The following CENPH variants were observed in gnomAD, a reference collection of about 807,000 sequenced individuals.
CENPH encodes the protein CENP-H.
CENPH carries 40 observed loss-of-function variants against 42.9 expected under a neutral mutation model. The observed-to-expected ratio is 0.93, with a 90% confidence interval of 0.72 to 1.21. The LOEUF (loss-of-function observed/expected upper bound fraction) is 1.21, where lower values mean the gene tolerates loss of function less well. Ranked by LOEUF, CENPH falls within the 50% of genes most tolerant of loss-of-function variation. CENPH has a pLI of 0.00. For missense variants in CENPH, 302 were observed against 292.9 expected (o/e 1.03, Z -0.23); for synonymous variants, 88 against 96.5 (o/e 0.91, Z 0.52).
At chr5:69,197,198 A>G (rs1350441977) in intron 5 of CENPH, 89 bp downstream of exon 5, 1 of 737,108 alleles carries the variant, frequency 1.4e-6, no homozygotes, top group African/African-American at 1.8e-5. Flanking sequence ...ATTACTGCCA[A>G]CTACCTTTGT....
At chr5:69,201,606 C>G (rs181870041) in intron 5 of CENPH, among the ~76,000 whole-genome samples, 195 of 152,250 alleles carry the variant, frequency 1.3e-3, no homozygotes, top group African/African-American at 4.4e-3. Context: ...TGTCTATAAT[C>G]CTACCATTTT....
intron 5 of CENPH, among the ~76,000 whole-genome samples, chr5:69,200,105 T>C (rs1748033489): frequency 7.3e-6 from 1 of 137,454 alleles, no homozygotes; most frequent in Non-Finnish European, 1.5e-5. Context: ...AGAGTGAGAC[T>C]CTGTCTCAAA....
At chr5:69,208,719 A>T (rs777415104) in intron 8 of CENPH, among the ~76,000 whole-genome samples, 121 of 152,152 alleles carry the variant, frequency 8.0e-4, no homozygotes, top group Non-Finnish European at 1.1e-3. Context: ...TTTGATCTTG[A>T]TGAAATAATT....
At chr5:69,199,473 G>A (rs1748023805) in intron 5 of CENPH, among the ~76,000 whole-genome samples, 1 of 152,098 alleles carries the variant, frequency 6.6e-6, no homozygotes, top group Non-Finnish European at 1.5e-5. Context: ...ACCACACCCT[G>A]CCAAATTAAG....
In CENPH at chr5:69,200,719, C is replaced by CTTTTTTTTTTTTTTTTTTTTT. The variant is rs70992906; in HGVS notation, c.372-1773_372-1753dup. 1.4e-3 allele frequency among the ~76,000 whole-genome samples: 67 copies of CTTTTTTTTTTTTTTTTTTTTT among 46,912 alleles called. 16 individuals are homozygous for CTTTTTTTTTTTTTTTTTTTTT. The highest frequency in any genetic ancestry group is 2.4e-3 in the Non-Finnish European group (57 of 24,010). 30.8% of individuals were successfully genotyped at this position (46,912 alleles called of 152,430 possible). Reference sequence around the variant, plus strand: ...TCCCAAACTTTCTGAATCAGCGTATCTTTTTTTTTTTTTTTTTTTTTTTTT... The same window carrying CTTTTTTTTTTTTTTTTTTTTT: ...TCCCAAACTTTCTGAATCAGCGTATCTTTTTTTTTTTTTTTTTTTTTTTTTTTTTTTTTTTTTTTTTTTTTT... On this transcript the variant is annotated intron_variant, in intron 5 of 8. Transcript: ENST00000283006.
rs1409429733 is a variant in CENPH, at chr5:69,195,737, A to G, written c.260A>G (p.Asn87Ser). Residue 87 changes from asparagine to serine, a missense_variant, in exon 4 of 9, where the codon AAT (asparagine) becomes AGT (serine). Asn to Ser is a conservative substitution (Grantham distance 46). Transcript: ENST00000283006. ...QIEAKIEDLE[N>S]EIEEVKVAFE... ...GATAGTAAAATTGAAGACCTGGAAA[A>G]TGAAATTGAAGAGGTAAAAGTTGCT... 6.4e-7 allele frequency: 1 copy of G among 1,562,758 alleles called. No individual in the cohort carries two copies. The highest frequency in any genetic ancestry group is 2.3e-5 in the East Asian group (1 of 44,326).
rs376386379 is a variant in CENPH at position 69,189,784 on chromosome 5, C to T, written c.134+16C>T. 4.8e-6 allele frequency: 7 copies of T among 1,447,478 alleles called. No individual in the cohort carries two copies. Among genetic ancestry groups the T allele is most frequent in the Admixed American group, 2.7e-5 (1 of 37,732 alleles). 89.7% of individuals were successfully genotyped at this position (1,447,478 alleles called of 1,614,324 possible). A position where few individuals can be genotyped will look rare whatever the true frequency, so the allele number is the denominator to read the frequency against. ...TGCTCCTCAGGTTGTTCCCTTTGGC[C>T]TCCTCAGCCGGGGCCAAGTGGGCGT... On this transcript the variant is annotated intron_variant, in intron 1 of 8. Transcript: ENST00000283006.
chr5:69,206,894 T>C (rs1561325191), intron 7 of CENPH, among the ~76,000 whole-genome samples: 1 of 152,116 alleles, frequency 6.6e-6, no homozygotes, highest in Non-Finnish European at 1.5e-5. Context: ...CCATGTTTTT[T>C]TAAGTAGAAT....
chr5:69,200,719 C>CTGTTTT (rs1748043769), intron 5 of CENPH, among the ~76,000 whole-genome samples: 1 of 46,900 alleles, frequency 2.1e-5, no homozygotes, highest in Non-Finnish European at 4.2e-5. Flanking sequence ...ATCAGCGTAT[C>CTGTTTT]TTTTTTTTTT....
chr5:69,198,487 A>G (rs902963046), intron 5 of CENPH, among the ~76,000 whole-genome samples: 5 of 152,098 alleles, frequency 3.3e-5, no homozygotes, highest in African/African-American at 4.8e-5. Context: ...ACGGGGTTTC[A>G]CTATGTTGGC....
chr5:69,191,877 G>A (rs561202301), intron 2 of CENPH, 27 bp downstream of exon 2: 7 of 1,325,524 alleles, frequency 5.3e-6, no homozygotes, highest in Non-Finnish European at 7.6e-6. Context: ...TCAAATTAGG[G>A]TTTTGTTGTT....
rs1035891574 is a variant in CENPH at position 69,192,573 on chromosome 5, G to A, written c.190+723G>A. On this transcript the variant is annotated intron_variant, in intron 2 of 8. Transcript: ENST00000283006. ...ACAAGAAGATCACTTGAAGCTAAGA[G>A]TTTGAGATTAGCCTGGGAAACAAAG... Among the ~76,000 whole-genome samples the A allele has an allele frequency of 2.0e-5, 3 of 152,160 alleles. No individual in the cohort carries two copies. In the South Asian group the frequency reaches 6.2e-4, roughly 31 times the overall value.
intron 3 of CENPH, 54 bp from the exon 4 acceptor site, chr5:69,195,663 A>G: frequency 9.9e-7 from 1 of 1,011,006 alleles, no homozygotes; most frequent in South Asian, 1.4e-5. Flanking sequence ...ATTTATTTCA[A>G]TAATGTCTTT....
intron 4 of CENPH, 59 bp downstream of exon 4, chr5:69,195,850 GA>G (rs1273866105): frequency 1.3e-6 from 1 of 791,238 alleles, no homozygotes; most frequent in Non-Finnish European, 2.1e-6. Context: ...GGTATGAGGG[GA>G]AAGTGGAGGG....
chr5:69,205,535 T>C (rs1164654239), intron 7 of CENPH, among the ~76,000 whole-genome samples: 1 of 151,904 alleles, frequency 6.6e-6, no homozygotes, highest in African/African-American at 2.4e-5. Flanking sequence ...CCTTTTTGTT[T>C]TTTGAGACAG....
intron 7 of CENPH, among the ~76,000 whole-genome samples, chr5:69,205,902 G>A (rs1389635855): frequency 1.3e-5 from 2 of 150,562 alleles, no homozygotes; most frequent in Non-Finnish European, 3.0e-5. Flanking sequence ...GTAGAGACCG[G>A]ATTTCACCAT....
chr5:69,199,874 A>AG (rs1355716555), intron 5 of CENPH, among the ~76,000 whole-genome samples: 1 of 152,178 alleles, frequency 6.6e-6, no homozygotes, highest in African/African-American at 2.4e-5. Flanking sequence ...GCACTTTGGG[A>AG]GGCCGAGGCA....
chr5:69,200,717 A>ATTT (rs1554058445), intron 5 of CENPH, among the ~76,000 whole-genome samples: 23 of 41,000 alleles, frequency 5.6e-4, no homozygotes, highest in Admixed American at 1.5e-3. Context: ...GAATCAGCGT[A>ATTT]TCTTTTTTTT....
intron 2 of CENPH, among the ~76,000 whole-genome samples, chr5:69,193,685 G>A (rs1444291393): frequency 9.8e-5 from 14 of 142,864 alleles, no homozygotes; most frequent in South Asian, 2.2e-4. Context: ...TTTTTGAGAC[G>A]GGGTCTTGTT....
Sources: gnomAD v4.1 joint callset for allele counts (sites outside exome capture counted in the v4.1 genomes callset) on GRCh38, gnomAD v4.1.1 for gene constraint, MANE v1.5 for transcripts, NCBI Gene and HGNC (gene_info 2026-07-23, HGNC 2026-07-21) for gene names.